Variants in COL28A1 observed in about 807,000 individuals in gnomAD.
The protein encoded by COL28A1 is collagen alpha-1(XXVIII) chain.
In COL28A1, 161 loss-of-function variants were observed where a neutral mutation model predicts 150.2. The observed-to-expected ratio is 1.07, with a 90% CI of 0.94 to 1.22. The LOEUF (loss-of-function observed/expected upper bound fraction) is 1.22, where lower values mean the gene tolerates loss of function less well. Ranked by LOEUF, COL28A1 falls within the 50% of genes most tolerant of loss-of-function variation. The pLI, the probability that COL28A1 is intolerant of heterozygous loss-of-function variation, is 0.00. For missense variants in COL28A1, 1,617 were observed against 1,388.3 expected (o/e 1.16, Z -2.62); for synonymous variants, 552 against 469.7 (o/e 1.18, Z -2.26).
intron 33 of COL28A1, among the ~76,000 whole-genome samples, chr7:7,366,924 G>A (rs1780960271): frequency 6.6e-6 from 1 of 152,222 alleles, no homozygotes; most frequent in African/African-American, 2.4e-5. Context: ...CATGCACAGA[G>A]GCATAAATAT....
chr7:7,359,610 C>A (rs561881775), intron 34 of COL28A1, among the ~76,000 whole-genome samples: 26 of 152,248 alleles, frequency 1.7e-4, no homozygotes, highest in African/African-American at 5.5e-4. Context: ...CACAAAAAAT[C>A]CCCAAATAGA....
intron 32 of COL28A1, among the ~76,000 whole-genome samples, chr7:7,372,304 C>A (rs1781273456): frequency 6.6e-6 from 1 of 151,602 alleles, no homozygotes; most frequent in Non-Finnish European, 1.5e-5. Context: ...GAGGCTGAGG[C>A]AGGAGAATCA....
chr7:7,411,893 G>A (rs577173744), intron 27 of COL28A1, among the ~76,000 whole-genome samples: 40 of 152,192 alleles, frequency 2.6e-4, no homozygotes, highest in African/African-American at 8.9e-4. Flanking sequence ...GGAGAATGAC[G>A]GGGCATTCTG....
At chr7:7,532,953 T>C (rs1782453259) in intron 1 of COL28A1, 41 bp from the exon 2 acceptor site, 6 of 1,428,762 alleles carry the variant, frequency 4.2e-6, no homozygotes, top group African/African-American at 2.9e-5. Flanking sequence ...TAATAAAATA[T>C]GGTGTTTGTT....
chr7:7,469,613 A>C (rs1280243473), intron 15 of COL28A1, among the ~76,000 whole-genome samples: 1 of 99,280 alleles, frequency 1.0e-5, no homozygotes, highest in Non-Finnish European at 2.0e-5. Context: ...AAACTACTTT[A>C]AAGTTCATAT....
At chr7:7,508,713 G>C (rs1780960707) in intron 9 of COL28A1, among the ~76,000 whole-genome samples, 1 of 152,126 alleles carries the variant, frequency 6.6e-6, no homozygotes, top group Non-Finnish European at 1.5e-5. Context: ...ACAGGGTCTT[G>C]CTCTGTTGCC....
At chr7:7,516,831 T>G (rs1032438724) in intron 7 of COL28A1, among the ~76,000 whole-genome samples, 3 of 152,132 alleles carry the variant, frequency 2.0e-5, no homozygotes, top group Non-Finnish European at 4.4e-5. Flanking sequence ...TGGCCTTAAG[T>G]GATCTTTGCA....
At chr7:7,442,103 C>T (rs1785842496) in intron 20 of COL28A1, among the ~76,000 whole-genome samples, 1 of 152,182 alleles carries the variant, frequency 6.6e-6, no homozygotes, top group East Asian at 1.9e-4. Context: ...GTAACATGTT[C>T]CTACCACTCT....
downstream of COL28A1, among the ~76,000 whole-genome samples, chr7:7,353,306 C>G (rs941221585): frequency 7.2e-5 from 11 of 152,154 alleles, no homozygotes; most frequent in African/African-American, 2.7e-4. Context: ...CCAGAGACAT[C>G]TACATAATTG....
chr7:7,526,091 T>C (rs1007602453), intron 3 of COL28A1, among the ~76,000 whole-genome samples: 1 of 152,254 alleles, frequency 6.6e-6, no homozygotes, highest in South Asian at 2.1e-4. Context: ...AAAATGGTAT[T>C]ACCCTCTGTA....
intron 31 of COL28A1, 56 bp downstream of exon 31, chr7:7,375,405 A>G (rs987572779): frequency 2.0e-6 from 3 of 1,479,096 alleles, no homozygotes; most frequent in Non-Finnish European, 2.7e-6. Flanking sequence ...TCACCAGCAC[A>G]GTACATAGTG....
At chr7:7,367,438 A>C (rs1780993072) in intron 33 of COL28A1, among the ~76,000 whole-genome samples, 1 of 152,158 alleles carries the variant, frequency 6.6e-6, no homozygotes, top group African/African-American at 2.4e-5. Context: ...CTTCTTTAAA[A>C]AGAGCCAGAA....
chr7:7,464,981 AAAG>A (rs1229494510), intron 15 of COL28A1, among the ~76,000 whole-genome samples: 1 of 152,210 alleles, frequency 6.6e-6, no homozygotes, highest in African/African-American at 2.4e-5. Context: ...CAAAAATCTA[AAAG>A]AAATCCAAGC....
At chr7:7,360,207 C>A (rs1351881047) in intron 34 of COL28A1, among the ~76,000 whole-genome samples, 183 bp downstream of exon 34, 1 of 152,178 alleles carries the variant, frequency 6.6e-6, no homozygotes, top group African/African-American at 2.4e-5. Flanking sequence ...TACATATAGT[C>A]CAGTGAAAAC....
chr7:7,345,500 A>T, the COL28A1 span, among the ~76,000 whole-genome samples: 1 of 152,108 alleles, frequency 6.6e-6, no homozygotes, highest in East Asian at 1.9e-4. Context: ...TTTAGGTAAA[A>T]AACTTCCTAT....
Position 7,400,978 on chromosome 7 carries a change from GTGTGTGTGTGT to G in COL28A1, c.2136+16870_2136+16880del, listed in dbSNP as rs1562554231. ...CCATAGGACGTGTGGGTATTTGGGT[GTGTGTGTGTGT>G]GTGTGTGTGTGTGTGTGTGTGTGTG... On this transcript the variant is annotated intron_variant, in intron 27 of 34. Transcript: ENST00000399429. Among the ~76,000 whole-genome samples, 381 of 81,278 alleles carry G rather than the reference GTGTGTGTGTGT, an allele frequency of 4.7e-3. 5 individuals are homozygous for G. Among genetic ancestry groups the G allele is most frequent in the African/African-American group, 0.014 (360 of 25,124 alleles). 53.3% of individuals were successfully genotyped at this position (81,278 alleles called of 152,430 possible). A position where few individuals can be genotyped will look rare whatever the true frequency, so the allele number is the denominator to read the frequency against.
the COL28A1 span, among the ~76,000 whole-genome samples, chr7:7,340,845 A>T: frequency 6.6e-6 from 1 of 152,082 alleles, no homozygotes; most frequent in African/African-American, 2.4e-5. Context: ...ACTGGGCATA[A>T]CCTCTTACCT....
intron 11 of COL28A1, among the ~76,000 whole-genome samples, chr7:7,505,215 A>C (rs1489442125): frequency 6.6e-6 from 1 of 152,180 alleles, no homozygotes; most frequent in South Asian, 2.1e-4. Flanking sequence ...CTTCAGTTTA[A>C]TATCACCCTT....
At chr7:7,541,070 G>A in the COL28A1 span, among the ~76,000 whole-genome samples, 1 of 152,096 alleles carries the variant, frequency 6.6e-6, no homozygotes, top group Admixed American at 6.6e-5. Flanking sequence ...CTAAATTTCT[G>A]GAATAAAAGT....
Sources: gnomAD v4.1 joint callset for allele counts (sites outside exome capture counted in the v4.1 genomes callset) on GRCh38, gnomAD v4.1.1 for gene constraint, MANE v1.5 for transcripts, NCBI Gene and HGNC (gene_info 2026-07-23, HGNC 2026-07-21) for gene names.